The following CTNNA2 variants were observed in gnomAD, a reference collection of about 807,000 sequenced individuals.
CTNNA2 encodes catenin alpha 2.
Under a neutral mutation model 101.0 loss-of-function variants are expected in CTNNA2, and 42 were observed. The ratio of observed to expected loss-of-function variants is 0.42; its 90% confidence interval spans 0.32 to 0.54. The LOEUF is 0.54. Among genes scored for constraint, CTNNA2 ranks in the 20% least tolerant of loss-of-function variants. The probability of loss-of-function intolerance (pLI) is 0.14; values close to 1 mark genes in which losing one functional copy is unlikely to be tolerated. For synonymous variants in CTNNA2, 450 were observed against 456.4 expected, an observed-to-expected ratio of 0.99 and a Z score of 0.18; for missense variants, 871 against 1,223.1, an observed-to-expected ratio of 0.71 and a Z score of 4.29.
intron 2 of CTNNA2, among the ~76,000 whole-genome samples, chr2:79,230,422 G>T (rs1674474723): frequency 6.6e-6 from 1 of 152,218 alleles, no homozygotes; most frequent in South Asian, 2.1e-4. Context: ...ACGTGGCATT[G>T]AGCCTGTGGG....
At chr2:80,447,501 A>C (rs1377163026) in intron 9 of CTNNA2, among the ~76,000 whole-genome samples, 1 of 152,212 alleles carries the variant, frequency 6.6e-6, no homozygotes, top group Non-Finnish European at 1.5e-5. Flanking sequence ...CTCCATTCAT[A>C]CAAAATTGTG....
At chr2:79,728,919 C>G (rs529791395) in intron 2 of CTNNA2, among the ~76,000 whole-genome samples, 1 of 152,216 alleles carries the variant, frequency 6.6e-6, no homozygotes, top group South Asian at 2.1e-4. Flanking sequence ...GGGCTCTGTT[C>G]TGTTCCATTG....
rs879348661 is a variant in CTNNA2 at position 79,829,729 on chromosome 2, TTTA to T, written c.299-28281_299-28279del. Among the ~76,000 whole-genome samples, 707 of 130,022 alleles carry T rather than the reference TTTA, an allele frequency of 5.4e-3. 11 individuals carry two copies. Among genetic ancestry groups the T allele is most frequent in the East Asian group, 0.037 (184 of 4,930 alleles). 85.3% of individuals were successfully genotyped at this position (130,022 alleles called of 152,430 possible). On this transcript the variant is annotated intron_variant, in intron 3 of 18. Transcript: ENST00000402739. ...ATTTATTTATTTATTTATTTATTTATTTATTTTTGAGACGGAGTCTCGCTCTGT... is the reference window on the plus strand; with the variant it reads ...ATTTATTTATTTATTTATTTATTTATTTTTTGAGACGGAGTCTCGCTCTGT...
intron 2 of CTNNA2, among the ~76,000 whole-genome samples, chr2:79,727,276 A>G (rs796724037): frequency 6.6e-6 from 1 of 152,336 alleles, no homozygotes; most frequent in African/African-American, 2.4e-5. Context: ...CATGAAAACC[A>G]AAGAAAGTGT....
intron 15 of CTNNA2, among the ~76,000 whole-genome samples, chr2:80,595,357 C>T (rs1012154998): frequency 1.6e-4 from 25 of 151,858 alleles, no homozygotes; most frequent in African/African-American, 5.8e-4. Flanking sequence ...TTAGTTTTAC[C>T]AGGACTTTTT....
chr2:80,143,866 T>G (rs1251590256), intron 7 of CTNNA2, among the ~76,000 whole-genome samples: 2 of 152,188 alleles, frequency 1.3e-5, no homozygotes, highest in African/African-American at 2.4e-5. Flanking sequence ...GTCAAAACAT[T>G]AATTCACATT....
At chr2:80,639,356 C>A (rs567116447) in intron 18 of CTNNA2, among the ~76,000 whole-genome samples, 1 of 152,098 alleles carries the variant, frequency 6.6e-6, no homozygotes, top group Non-Finnish European at 1.5e-5. Context: ...ATTACAGGCA[C>A]CTGCCACCAC....
At chr2:79,807,445 G>A (rs1209874662) in intron 3 of CTNNA2, among the ~76,000 whole-genome samples, 3 of 151,902 alleles carry the variant, frequency 2.0e-5, no homozygotes, top group Non-Finnish European at 2.9e-5. Flanking sequence ...ACATATTTCT[G>A]CATCTTAATT....
chr2:80,291,782 T>C (rs552643373), intron 7 of CTNNA2, among the ~76,000 whole-genome samples: 1 of 152,350 alleles, frequency 6.6e-6, no homozygotes, highest in South Asian at 2.1e-4. Context: ...TGTAGCTGGC[T>C]GCTAGCCTTC....
intron 1 of CTNNA2, among the ~76,000 whole-genome samples, chr2:79,537,796 C>T (rs1573283368): frequency 6.9e-6 from 1 of 145,354 alleles, no homozygotes. Flanking sequence ...ATTACTATGC[C>T]TTTTTTTTTT....
At chr2:80,506,057 G>C (rs940718543) in intron 9 of CTNNA2, among the ~76,000 whole-genome samples, 5 of 152,108 alleles carry the variant, frequency 3.3e-5, no homozygotes, top group African/African-American at 1.2e-4. Flanking sequence ...GCATACACCT[G>C]AAAACTCTTT....
At chr2:79,652,021 ATATT>A (rs1051917308) in intron 2 of CTNNA2, among the ~76,000 whole-genome samples, 54 of 152,266 alleles carry the variant, frequency 3.5e-4, no homozygotes, top group African/African-American at 1.2e-3. Flanking sequence ...ACAGCAATGT[ATATT>A]TATTGAATTA....
intron 1 of CTNNA2, among the ~76,000 whole-genome samples, chr2:79,591,908 ATTTTT>A (rs35116136): frequency 2.3e-5 from 3 of 132,048 alleles, no homozygotes; most frequent in East Asian, 4.5e-4. Context: ...TGAAAAAAAA[ATTTTT>A]TTTTTTTTTT....
intron 7 of CTNNA2, among the ~76,000 whole-genome samples, chr2:80,279,044 TTTTACG>T (rs1674146451): frequency 1.8e-5 from 1 of 54,812 alleles, no homozygotes; most frequent in Admixed American, 2.0e-4. Context: ...CATTAATGAC[TTTTACG>T]TGTGTGTGTG....
At chr2:80,424,751 T>C (rs1445478548) in intron 9 of CTNNA2, among the ~76,000 whole-genome samples, 2 of 152,218 alleles carry the variant, frequency 1.3e-5, no homozygotes, top group Non-Finnish European at 2.9e-5. Context: ...AATTTTTGTT[T>C]TTTAACACCA....
chr2:79,234,716 T>G (rs946324072), intron 2 of CTNNA2, among the ~76,000 whole-genome samples: 21 of 152,230 alleles, frequency 1.4e-4, no homozygotes, highest in African/African-American at 5.1e-4. Flanking sequence ...ATTGAAAGTT[T>G]TGTTCATTTT....
chr2:79,292,064 A>C (rs2104381422), intron 2 of CTNNA2, among the ~76,000 whole-genome samples: 1 of 152,296 alleles, frequency 6.6e-6, no homozygotes, highest in East Asian at 1.9e-4. Flanking sequence ...TTAGAGAAGT[A>C]AAACAAGGAG....
At chr2:79,946,764 C>T (rs1688521773) in intron 7 of CTNNA2, among the ~76,000 whole-genome samples, 1 of 152,104 alleles carries the variant, frequency 6.6e-6, no homozygotes, top group Non-Finnish European at 1.5e-5. Context: ...GAGGGGTGCC[C>T]ATTGGGAGCA....
chr2:79,955,192 T>A (rs534288975), intron 7 of CTNNA2, among the ~76,000 whole-genome samples: 1 of 152,282 alleles, frequency 6.6e-6, no homozygotes, highest in East Asian at 1.9e-4. Flanking sequence ...TATGTTTAGA[T>A]CTCTTCATCT....
Sources: allele counts gnomAD v4.1 joint callset (sites outside exome capture counted in the v4.1 genomes callset), GRCh38; gene constraint gnomAD v4.1.1; transcripts MANE v1.5; gene names NCBI Gene and HGNC (gene_info 2026-07-23, HGNC 2026-07-21).